PTPRN2: variants seen among roughly 807,000 people sequenced by gnomAD.
PTPRN2 encodes protein tyrosine phosphatase receptor type N2, also known as receptor-type tyrosine-protein phosphatase N2.
PTPRN2 carries 74 observed loss-of-function variants against 118.8 expected under a neutral mutation model. The observed-to-expected ratio is 0.62, with a 90% confidence interval of 0.52 to 0.76. The LOEUF is 0.76. Among genes scored for constraint, PTPRN2 ranks in the 30% least tolerant of loss-of-function variants. The pLI is 0.00. For missense variants in PTPRN2, 1,481 were observed against 1,394.4 expected (o/e 1.06, Z -0.99); for synonymous variants, 641 against 608.0 (o/e 1.05, Z -0.80).
At chr7:158,262,685 C>G (rs1280992933) in intron 3 of PTPRN2, among the ~76,000 whole-genome samples, 1 of 150,912 alleles carries the variant, frequency 6.6e-6, no homozygotes, top group African/African-American at 2.4e-5. Context: ...CACACATACA[C>G]ACATTCACAC....
At chr7:157,714,762 G>A (rs112024565) in intron 12 of PTPRN2, among the ~76,000 whole-genome samples, 17 of 152,268 alleles carry the variant, frequency 1.1e-4, no homozygotes, top group African/African-American at 2.9e-4. Flanking sequence ...CCCAGGGAAC[G>A]GCGCCCAGTC....
intron 1 of PTPRN2, among the ~76,000 whole-genome samples, chr7:158,554,996 C>T (rs572991017): frequency 3.9e-5 from 6 of 152,270 alleles, no homozygotes; most frequent in Non-Finnish European, 5.9e-5. Flanking sequence ...GGCCCCTCCT[C>T]GACTACCAAC....
chr7:157,846,201 G>C (rs564430118), intron 12 of PTPRN2, among the ~76,000 whole-genome samples: 2 of 152,126 alleles, frequency 1.3e-5, no homozygotes, highest in Admixed American at 1.3e-4. Context: ...GAAGAAAAGC[G>C]GGGGTGGGAG....
intron 12 of PTPRN2, among the ~76,000 whole-genome samples, chr7:157,798,969 G>A (rs1301088276): frequency 2.6e-5 from 4 of 152,164 alleles, no homozygotes; most frequent in African/African-American, 7.2e-5. Context: ...GGAGACCCCC[G>A]TGCCATCTTC....
At chr7:157,846,303 C>G (rs986721347) in intron 12 of PTPRN2, among the ~76,000 whole-genome samples, 8 of 152,126 alleles carry the variant, frequency 5.3e-5, no homozygotes, top group African/African-American at 1.9e-4. Context: ...ATCTGGAAAA[C>G]CAAGAGCTGC....
At chr7:157,909,413 A>T (rs1248517886) in intron 11 of PTPRN2, among the ~76,000 whole-genome samples, 1 of 152,162 alleles carries the variant, frequency 6.6e-6, no homozygotes, top group Non-Finnish European at 1.5e-5. Context: ...TGGCCACTCA[A>T]CACACACTCA....
intron 3 of PTPRN2, among the ~76,000 whole-genome samples, chr7:158,241,592 A>C (rs1451566194): frequency 6.6e-6 from 1 of 152,214 alleles, no homozygotes; most frequent in African/African-American, 2.4e-5. Context: ...ACAGACTTTA[A>C]AGTACGAATC....
intron 12 of PTPRN2, among the ~76,000 whole-genome samples, chr7:157,786,289 A>T (rs1804033727): frequency 6.6e-6 from 1 of 152,228 alleles, no homozygotes; most frequent in Non-Finnish European, 1.5e-5. Flanking sequence ...ACCAGCATTT[A>T]GTGCTAGTTC....
intron 3 of PTPRN2, among the ~76,000 whole-genome samples, chr7:158,263,114 TGCACACAC>T (rs549745634): frequency 0.4 from 57,912 of 144,698 alleles, 11,242 homozygotes; most frequent in African/African-American, 0.48. Flanking sequence ...ACACACACAC[TGCACACAC>T]ATACACATAT....
At chr7:157,722,173 T>C (rs749134313) in intron 12 of PTPRN2, among the ~76,000 whole-genome samples, 2 of 152,164 alleles carry the variant, frequency 1.3e-5, no homozygotes, top group African/African-American at 4.8e-5. Context: ...CCTCCCCACC[T>C]GCGAGGAGGC....
intron 2 of PTPRN2, among the ~76,000 whole-genome samples, chr7:158,481,716 C>T (rs1251939266): frequency 6.6e-6 from 1 of 152,204 alleles, no homozygotes; most frequent in African/African-American, 2.4e-5. Context: ...CCTGCGTCGG[C>T]CTCCCAAAGT....
intron 12 of PTPRN2, among the ~76,000 whole-genome samples, chr7:157,873,319 C>A (rs1245019849): frequency 6.6e-6 from 1 of 152,252 alleles, no homozygotes; most frequent in Non-Finnish European, 1.5e-5. Flanking sequence ...GGCCTGACCT[C>A]GTCTGAGGCT....
At position 158,261,741 on chromosome 7, in the gene PTPRN2, G is replaced by A. The variant is rs924446041; in HGVS notation, c.277+55078C>T. Among the ~76,000 whole-genome samples the A allele has an allele frequency of 9.9e-5, 15 of 152,198 alleles. 1 individual carries two copies. Among genetic ancestry groups the A allele is most frequent in the South Asian group, 4.1e-4 (2 of 4,836 alleles). The stretch of plus-strand genomic sequence containing the variant: ...AGGACACAGCAGCTCTGTGGAAGAC[G>A]CCATGCAGAAGCCTCTTCAGGGCAC... On this transcript the variant is annotated intron_variant, in intron 3 of 22. Transcript: ENST00000389418.
Position 158,548,100 on chromosome 7 carries a change from G to C in PTPRN2, c.112+39458C>G, listed in dbSNP as rs371595818. Among the ~76,000 whole-genome samples the C allele has an allele frequency of 8.5e-5, 13 of 152,272 alleles. 1 individual carries two copies. Among genetic ancestry groups the C allele is most frequent in the Admixed American group, 5.2e-4 (8 of 15,298 alleles). ...AGCACCCTCGGCTCAGACTCAAAGC[G>C]GCCAGCAGGAGCAGGCGACATCCAC... On this transcript the variant is annotated intron_variant, in intron 1 of 22. Coordinates refer to ENST00000389418, the MANE Select transcript of PTPRN2 (RefSeq NM_002847.5).
intron 2 of PTPRN2, among the ~76,000 whole-genome samples, chr7:158,335,199 A>C (rs62480946): frequency 0.12 from 1,129 of 9,318 alleles, 225 homozygotes; most frequent in Non-Finnish European, 0.2. Context: ...CTGTCACCAT[A>C]AGAGCTGATG....
At chr7:157,931,654 G>A (rs1384507082) in intron 11 of PTPRN2, among the ~76,000 whole-genome samples, 2 of 145,732 alleles carry the variant, frequency 1.4e-5, no homozygotes, top group African/African-American at 4.8e-5. Context: ...ATGCAGGTAA[G>A]CTCTGGCTCT....
At chr7:157,860,580 C>T (rs1047265306) in intron 12 of PTPRN2, among the ~76,000 whole-genome samples, 9 of 152,238 alleles carry the variant, frequency 5.9e-5, no homozygotes, top group Admixed American at 2.6e-4. Context: ...TGTGTGAACG[C>T]GTTTCCACGC....
chr7:158,277,738 T>C (rs928634493), intron 3 of PTPRN2, among the ~76,000 whole-genome samples: 3 of 152,160 alleles, frequency 2.0e-5, no homozygotes, highest in African/African-American at 7.2e-5. Context: ...CCCTACTCCC[T>C]TGCCCGGCCG....
At chr7:157,957,837 C>T (rs1397368485) in intron 11 of PTPRN2, among the ~76,000 whole-genome samples, 3 of 152,186 alleles carry the variant, frequency 2.0e-5, no homozygotes, top group African/African-American at 4.8e-5. Flanking sequence ...AGCACCACTC[C>T]TCCTCAAACT....
Sources: allele counts gnomAD v4.1 joint callset (sites outside exome capture counted in the v4.1 genomes callset), GRCh38; gene constraint gnomAD v4.1.1; transcripts MANE v1.5; gene names NCBI Gene and HGNC (gene_info 2026-07-23, HGNC 2026-07-21).